CRAT: variants seen among roughly 807,000 people sequenced by gnomAD.
CRAT encodes carnitine O-acetyltransferase.
Under a neutral mutation model 73.7 loss-of-function variants are expected in CRAT, and 66 were observed. The ratio of observed to expected loss-of-function variants is 0.90; its 90% CI spans 0.73 to 1.10. The LOEUF (loss-of-function observed/expected upper bound fraction) is 1.10. CRAT is among the 50% of genes least tolerant of loss of function. CRAT has a pLI of 0.00. For synonymous variants in CRAT, 321 were observed against 343.2 expected (o/e 0.94, Z 0.71); for missense variants, 745 against 846.9 (o/e 0.88, Z 1.49).
chr9:129,108,719 G>A, intron 1 of CRAT: 1 of 1,303,506 alleles, frequency 7.7e-7, no homozygotes, highest in South Asian at 1.2e-5. Flanking sequence ...GCCCGAGGCT[G>A]CTCTTGCAGT....
In CRAT at chr9:129,110,551, C is replaced by G. The variant is rs1363383067; in HGVS notation, c.-42G>C. 1 of 1,559,232 alleles carries G rather than the reference C, an allele frequency of 6.4e-7. No individual in the cohort carries two copies. Among genetic ancestry groups the G allele is most frequent in the South Asian group, 1.2e-5 (1 of 85,284 alleles). On this transcript the variant is annotated 5_prime_UTR_variant, in exon 1 of 14. Transcript: ENST00000318080. This position sits in a 1 kb window ranked among gnomAD's most constrained non-coding sequence, Gnocchi z 5.3. Reference sequence around the variant, plus strand: ...CGGACACGCAGTCCGCTCCGCCCCACACACCGGGCAAAGTCCGCGCCGCCG... The same window carrying G: ...CGGACACGCAGTCCGCTCCGCCCCAGACACCGGGCAAAGTCCGCGCCGCCG...
rs1225251506 is a variant in CRAT at position 129,107,680 on chromosome 9, G to A, written c.291+134C>T. The A allele has an allele frequency of 1.6e-6, 2 of 1,287,902 alleles. No individual in the cohort carries two copies. The highest frequency in any genetic ancestry group is 3.8e-5 in the Admixed American group (2 of 52,044). 79.8% of individuals were successfully genotyped at this position (1,287,902 alleles called of 1,614,324 possible). Reference sequence around the variant, plus strand: ...GTCCTTCTTGATCACCCAGCACCCTGCCAAGTGCCAGACACAGAGTATGTG... The same window carrying A: ...GTCCTTCTTGATCACCCAGCACCCTACCAAGTGCCAGACACAGAGTATGTG... On this transcript the variant is annotated intron_variant, in intron 2 of 13. Transcript: ENST00000318080. The surrounding 1 kb of genome is among the most constrained non-coding windows in gnomAD (Gnocchi z 5.0).
chr9:129,108,317 G>A (rs947471427), intron 1 of CRAT: 8 of 1,175,722 alleles, frequency 6.8e-6, no homozygotes, highest in African/African-American at 4.6e-5. Flanking sequence ...AAGGCTCAGG[G>A]GAACCAAGTC....
At chr9:129,102,189 G>A in intron 5 of CRAT, 132 bp from the exon 6 acceptor site, 1 of 1,204,464 alleles carries the variant, frequency 8.3e-7, no homozygotes, top group Non-Finnish European at 1.2e-6. Flanking sequence ...GGTGAGAGGG[G>A]GAGGAGGTCC....
Position 129,107,701 on chromosome 9 carries a change from A to T in CRAT, c.291+113T>A. ...CCCTGCCAAGTGCCAGACACAGAGTATGTGCTCACGAAACTCTGGGCAGCA... is the reference window on the plus strand; with the variant it reads ...CCCTGCCAAGTGCCAGACACAGAGTTTGTGCTCACGAAACTCTGGGCAGCA... On this transcript the variant is annotated intron_variant, in intron 2 of 13. Transcript: ENST00000318080. This position sits in a 1 kb window ranked among gnomAD's most constrained non-coding sequence, Gnocchi z 5.0. 6.9e-7 allele frequency: 1 copy of T among 1,459,374 alleles called. No individual in the cohort carries two copies. Among genetic ancestry groups the T allele is most frequent in the Non-Finnish European group, 9.5e-7 (1 of 1,052,046 alleles). The allele number at this position is 1,459,374 out of a possible 1,614,324, so 90.4% of individuals were successfully genotyped here. A position where few individuals can be genotyped will look rare whatever the true frequency, so the allele number is the denominator to read the frequency against.
In CRAT at chr9:129,104,161, C is replaced by G. The variant is rs547849725; in HGVS notation, c.410+27G>C. On this transcript the variant is annotated intron_variant, in intron 3 of 13. Transcript: ENST00000318080. ...GTGAACTCGAGGGGCCCGGCTGCCT[C>G]CTGGCCCCCAAACCCCAGCCACTCA... The G allele has an allele frequency of 3.2e-6, 5 of 1,567,656 alleles. No individual in the cohort carries two copies. The African/African-American group carries it at 5.4e-5, about 17-fold the overall frequency.
chr9:129,102,384 G>A lies in CRAT; in HGVS notation c.630+16C>T. Reference sequence around the variant, plus strand: ...AGCAGGGCCGGGGCTTGTAGGTGTGGGTGGGGGCCACCCACCTGGTAGTTG... The same window carrying A: ...AGCAGGGCCGGGGCTTGTAGGTGTGAGTGGGGGCCACCCACCTGGTAGTTG... On this transcript the variant is annotated intron_variant, in intron 5 of 13. Transcript: ENST00000318080. 6 of 1,614,030 alleles carry A rather than the reference G, an allele frequency of 3.7e-6. No individual in the cohort carries two copies. The highest frequency in any genetic ancestry group is 4.2e-6 in the Non-Finnish European group (5 of 1,179,914).
Position 129,096,150 on chromosome 9 carries a change from G to A in CRAT, c.1528-15C>T. On this transcript the variant is annotated splice_polypyrimidine_tract_variant and intron_variant, in intron 12 of 13. Coordinates refer to ENST00000318080, the MANE Select transcript of CRAT (RefSeq NM_000755.5). The stretch of plus-strand genomic sequence containing the variant: ...CCGCGGATGGCCTGTTGGGGTGGGA[G>A]AGCTGTCAGGAGCAGGGGCTGTGGA... 6.2e-7 allele frequency: 1 copy of A among 1,611,598 alleles called. No individual in the cohort carries two copies. The highest frequency in any genetic ancestry group is 8.5e-7 in the Non-Finnish European group (1 of 1,179,986).
chr9:129,101,355 A>G (rs1241569076), intron 6 of CRAT, among the ~76,000 whole-genome samples: 3 of 152,208 alleles, frequency 2.0e-5, no homozygotes, highest in African/African-American at 7.2e-5. Flanking sequence ...GTGGAAAGCC[A>G]GAAGAGGCCA....
rs74833393 is a variant in CRAT at position 129,103,311 on chromosome 9, T to A, written c.411-245A>T. 0.02 allele frequency among the ~76,000 whole-genome samples: 3,101 copies of A among 152,232 alleles called. 46 individuals are homozygous for A. The highest frequency in any genetic ancestry group is 0.033 in the Non-Finnish European group (2,224 of 67,976). Reference sequence around the variant, plus strand: ...GAAGTGCTGGTGGCCAAGGGCCTAGTAGGACTTGGGTGCTGGCCCCCTGCA... The same window carrying A: ...GAAGTGCTGGTGGCCAAGGGCCTAGAAGGACTTGGGTGCTGGCCCCCTGCA... On this transcript the variant is annotated intron_variant, in intron 3 of 13. Coordinates refer to ENST00000318080, the MANE Select transcript of CRAT (RefSeq NM_000755.5). This position sits in a 1 kb window ranked among gnomAD's most constrained non-coding sequence, Gnocchi z 4.6.
chr9:129,097,723 A>G (rs1847371738), intron 11 of CRAT: 1 of 425,058 alleles, frequency 2.4e-6, no homozygotes, highest in Non-Finnish European at 4.2e-6. Flanking sequence ...AAAACAAGAA[A>G]AAAAAAGAGC....
chr9:129,110,390 G>GCGGC lies in CRAT; in HGVS notation c.27+89_27+92dup. 7.5e-7 allele frequency: 1 copy of GCGGC among 1,338,824 alleles called. No homozygotes were observed. Among genetic ancestry groups the GCGGC allele is most frequent in the Admixed American group, 2.8e-5 (1 of 35,134 alleles). 82.9% of individuals were successfully genotyped at this position (1,338,824 alleles called of 1,614,324 possible). A position where few individuals can be genotyped will look rare whatever the true frequency, so the allele number is the denominator to read the frequency against. On this transcript the variant is annotated intron_variant, in intron 1 of 13. Transcript: ENST00000318080. This position sits in a 1 kb window ranked among gnomAD's most constrained non-coding sequence, Gnocchi z 5.3. ...CATCAGCTGGAGGCCGGGTCGAACA[G>GCGGC]CGGCCGCAGGACGCGGTCTCCGTTC...
chr9:129,107,571 G>T lies in CRAT; in HGVS notation c.291+243C>A. ...CACTCCTGCCTCTGTCCTGGAACAT[G>T]AAACCTTGTCCACAACCTGTATCCT... On this transcript the variant is annotated intron_variant, in intron 2 of 13. Transcript: ENST00000318080. This position sits in a 1 kb window ranked among gnomAD's most constrained non-coding sequence, Gnocchi z 5.0. 2 of 691,248 alleles carry T rather than the reference G, an allele frequency of 2.9e-6. No individual in the cohort carries two copies. The highest frequency in any genetic ancestry group is 1.6e-5 in the South Asian group (1 of 61,992). 42.8% of individuals were successfully genotyped at this position (691,248 alleles called of 1,614,324 possible).
chr9:129,095,597 C>G lies in CRAT; in HGVS notation c.1681G>C (p.Asp561His), dbSNP rs1389543155. Residue 561 changes from aspartate (D) to histidine (H), a missense_variant, in exon 14 of 14, where the codon GAC (aspartate) becomes CAC (histidine). Coordinates refer to ENST00000318080, the MANE Select transcript of CRAT (RefSeq NM_000755.5). The part of the protein sequence containing the change: ...LSTSQVPAKT[D>H]CVMFFGPVVP... ...ACGGGCCCGAAGAACATGACACAGT[C>G]TGTCTTGGCAGGGACCTGGGGACGG... The G allele has an allele frequency of 6.2e-7, 1 of 1,612,966 alleles. No homozygotes were observed. Among genetic ancestry groups the G allele is most frequent in the Non-Finnish European group, 8.5e-7 (1 of 1,179,928 alleles).
At chr9:129,100,373 C>T (rs1475920558) in intron 7 of CRAT, 138 bp downstream of exon 7, 9 of 1,065,530 alleles carry the variant, frequency 8.4e-6, no homozygotes, top group Admixed American at 8.1e-5. Flanking sequence ...ATTACGGCAG[C>T]GTCCAGCCTG....
intron 12 of CRAT, among the ~76,000 whole-genome samples, chr9:129,096,642 T>C (rs1429895795): frequency 6.6e-6 from 1 of 152,200 alleles, no homozygotes; most frequent in Admixed American, 6.5e-5. Flanking sequence ...TGCTGGACCA[T>C]GTATACCTAG....
intron 1 of CRAT, chr9:129,108,923 G>A: frequency 3.9e-6 from 5 of 1,272,648 alleles, no homozygotes; most frequent in Non-Finnish European, 5.1e-6. Context: ...GAAGACAAGA[G>A]CCAAGATTCA....
chr9:129,108,688 G>T, intron 1 of CRAT: 1 of 1,290,432 alleles, frequency 7.7e-7, no homozygotes, highest in Non-Finnish European at 1.0e-6. Context: ...AGGAGGCCCT[G>T]GAGTGGGCAG....
In CRAT at chr9:129,096,024, T is replaced by C. The variant is rs1350833176; in HGVS notation, c.1639A>G (p.Met547Val). 6.2e-7 allele frequency: 1 copy of C among 1,613,946 alleles called. No homozygotes were observed. The highest frequency in any genetic ancestry group is 1.7e-5 in the Admixed American group (1 of 60,018). The stretch of plus-strand genomic sequence containing the variant: ...TGGCTGGTGGAGAGGTGGAAGTGCA[T>C]GGCGATGGCGTAGGAGGTGTCCATG... The part of the protein sequence containing the change: ...IFMDTSYAIA[M>V]HFHLSTSQVP... Residue 547 changes from methionine (M) to valine (V), a missense_variant, in exon 13 of 14, where the codon ATG (methionine) becomes GTG (valine). By Grantham distance (21) the Met-to-Val change is conservative. Transcript: ENST00000318080.
Sources: allele counts gnomAD v4.1 joint callset (sites outside exome capture counted in the v4.1 genomes callset), GRCh38; gene constraint gnomAD v4.1.1; non-coding constraint Gnocchi (gnomAD v3.1); transcripts MANE v1.5; gene names NCBI Gene and HGNC (gene_info 2026-07-23, HGNC 2026-07-21).